Variants in MBNL1 observed in about 807,000 individuals in gnomAD.
MBNL1 encodes the protein muscleblind like splicing regulator 1, also known as muscleblind-like protein 1.
In MBNL1, 8 loss-of-function variants were observed where a neutral mutation model predicts 42.2. That is an observed-to-expected ratio of 0.19 (90% CI 0.11 to 0.34). The LOEUF (loss-of-function observed/expected upper bound fraction) is 0.34, where lower values mean the gene tolerates loss of function less well. Among genes scored for constraint, MBNL1 ranks in the 10% least tolerant of loss-of-function variants. MBNL1 has a pLI of 1.00. For missense variants in MBNL1, 309 were observed against 495.3 expected, an observed-to-expected ratio of 0.62 and a Z score of 3.57; for synonymous variants, 169 against 173.9, an observed-to-expected ratio of 0.97 and a Z score of 0.22.
At chr3:152,307,232 G>T (rs1339965231) in intron 2 of MBNL1, among the ~76,000 whole-genome samples, 3 of 152,140 alleles carry the variant, frequency 2.0e-5, no homozygotes, top group Non-Finnish European at 2.9e-5. Flanking sequence ...CAGGTGATCA[G>T]CCCGCCTTGG....
rs558679205 is a variant in MBNL1 at position 152,382,241 on chromosome 3, C to A, written c.175-32700C>A. ...TCTTACACAGTAGTTAAGCTAAATG[C>A]CACTCAGACAATGATTTATTTATTA... On this transcript the variant is annotated intron_variant, in intron 2 of 9. Transcript: ENST00000324210. 9.9e-5 allele frequency among the ~76,000 whole-genome samples: 15 copies of A among 152,100 alleles called. No individual in the cohort carries two copies. In the South Asian group the frequency reaches 3.1e-3, roughly 32 times the overall value.
chr3:152,383,699 A>G (rs1183482872), intron 2 of MBNL1, among the ~76,000 whole-genome samples: 1 of 152,098 alleles, frequency 6.6e-6, no homozygotes, highest in East Asian at 1.9e-4. Flanking sequence ...GAGGTGATAG[A>G]TGAATACTTT....
At chr3:152,369,195 GCTT>G (rs1297823405) in intron 2 of MBNL1, among the ~76,000 whole-genome samples, 1 of 152,114 alleles carries the variant, frequency 6.6e-6, no homozygotes, top group Non-Finnish European at 1.5e-5. Flanking sequence ...TCAATACCTA[GCTT>G]CTTGAGAGAT....
chr3:152,356,950 A>G (rs2095568063), intron 2 of MBNL1, among the ~76,000 whole-genome samples: 2 of 151,798 alleles, frequency 1.3e-5, no homozygotes, highest in Non-Finnish European at 2.9e-5. Context: ...CATACTTATA[A>G]TATCAAATGT....
intron 2 of MBNL1, among the ~76,000 whole-genome samples, chr3:152,346,543 A>G (rs1166304212): frequency 6.6e-6 from 1 of 152,114 alleles, no homozygotes; most frequent in African/African-American, 2.4e-5. Context: ...CAAGATAACC[A>G]CATATTTTTC....
intron 1 of MBNL1, among the ~76,000 whole-genome samples, chr3:152,280,993 T>C (rs1246669688): frequency 6.6e-6 from 1 of 152,152 alleles, no homozygotes; most frequent in Non-Finnish European, 1.5e-5. Flanking sequence ...TTTTCTGAAG[T>C]TTATGGCCTA....
upstream of MBNL1, chr3:152,267,443 C>T (rs961582923): frequency 6.6e-6 from 1 of 152,074 alleles, no homozygotes; most frequent in African/African-American, 2.4e-5. Flanking sequence ...TAGGGACTGT[C>T]TTATCCATTC....
At chr3:152,340,465 CTA>C (rs2152818915) in intron 2 of MBNL1, 4 of 1,503,840 alleles carry the variant, frequency 2.7e-6, no homozygotes, top group Non-Finnish European at 2.7e-6. Flanking sequence ...AAATATCAGA[CTA>C]TGTGAATTTA....
intron 2 of MBNL1, among the ~76,000 whole-genome samples, chr3:152,359,141 G>A (rs2095751894): frequency 6.6e-6 from 1 of 152,128 alleles, no homozygotes; most frequent in Admixed American, 6.6e-5. Flanking sequence ...TTAACTACAT[G>A]TATAAGCAAG....
At chr3:152,325,820 T>C (rs1481885124) in intron 2 of MBNL1, among the ~76,000 whole-genome samples, 1 of 151,414 alleles carries the variant, frequency 6.6e-6, no homozygotes, top group Non-Finnish European at 1.5e-5. Flanking sequence ...GTGATTTCTG[T>C]CTTTTTTGTT....
chr3:152,352,573 G>T (rs979534913), intron 2 of MBNL1, among the ~76,000 whole-genome samples: 19 of 149,714 alleles, frequency 1.3e-4, no homozygotes, highest in African/African-American at 4.7e-4. Flanking sequence ...TCCCACCCTG[G>T]TTTTTTTTTG....
chr3:152,418,658 C>T (rs1160311231), intron 3 of MBNL1, among the ~76,000 whole-genome samples: 3 of 148,112 alleles, frequency 2.0e-5, no homozygotes, highest in Non-Finnish European at 3.0e-5. Flanking sequence ...GATCTCTGAC[C>T]TTCCTCAACA....
At chr3:152,244,510 G>T (rs2032416047) in intron 2 of MBNL1, 2 of 152,120 alleles carry the variant, frequency 1.3e-5, no homozygotes, top group South Asian at 2.1e-4. Flanking sequence ...CAATTTAAAT[G>T]CTGGCCACAT....
intron 2 of MBNL1, among the ~76,000 whole-genome samples, chr3:152,364,284 A>C (rs149518378): frequency 2.6e-5 from 4 of 152,090 alleles, no homozygotes; most frequent in Non-Finnish European, 5.9e-5. Context: ...TCTGTACACA[A>C]TGTAGCTATA....
chr3:152,452,605 C>T (rs1030784917), intron 6 of MBNL1, among the ~76,000 whole-genome samples: 5 of 152,126 alleles, frequency 3.3e-5, no homozygotes, highest in Non-Finnish European at 7.4e-5. Context: ...CCTCCAGGCT[C>T]CCATGCCCTT....
chr3:152,384,525 A>G (rs1275736448), intron 2 of MBNL1, among the ~76,000 whole-genome samples: 6 of 152,158 alleles, frequency 3.9e-5, no homozygotes, highest in Non-Finnish European at 8.8e-5. Context: ...GTTTAATGAC[A>G]ATACTATAGA....
chr3:152,310,295 CT>C (rs777556938), intron 2 of MBNL1, among the ~76,000 whole-genome samples: 3 of 152,158 alleles, frequency 2.0e-5, no homozygotes, highest in Non-Finnish European at 4.4e-5. Context: ...TTTTATTCCC[CT>C]GATTTGATCC....
chr3:152,419,280 C>G (rs1027362207), intron 3 of MBNL1, among the ~76,000 whole-genome samples: 1 of 152,062 alleles, frequency 6.6e-6, no homozygotes, highest in Middle Eastern at 3.4e-3. Flanking sequence ...TGGAATTGCC[C>G]GGGCAAGATG....
At chr3:152,375,020 T>A (rs766032614) in intron 2 of MBNL1, among the ~76,000 whole-genome samples, 4 of 152,220 alleles carry the variant, frequency 2.6e-5, no homozygotes, top group Non-Finnish European at 5.9e-5. Flanking sequence ...TTTGCTTTTT[T>A]TTCGCGACAG....
Sources: gnomAD v4.1 joint callset for allele counts (sites outside exome capture counted in the v4.1 genomes callset) on GRCh38, gnomAD v4.1.1 for gene constraint, MANE v1.5 for transcripts, NCBI Gene and HGNC (gene_info 2026-07-23, HGNC 2026-07-21) for gene names.